Variants in ZNF438 observed in about 807,000 individuals in gnomAD.
ZNF438 encodes the protein zinc finger protein 438.
ZNF438 carries 25 observed loss-of-function variants against 38.0 expected under a neutral mutation model. That is an observed-to-expected ratio of 0.66 (90% CI 0.48 to 0.92). The LOEUF (loss-of-function observed/expected upper bound fraction) is 0.92, where lower values mean the gene tolerates loss of function less well. ZNF438 is among the 40% of genes least tolerant of loss of function. ZNF438 has a pLI of 0.00. For missense variants in ZNF438, 1,007 were observed against 999.6 expected (o/e 1.01, Z -0.10); for synonymous variants, 372 against 364.1 (o/e 1.02, Z -0.25).
chr10:30,982,573 A>T (rs897041938), intron 1 of ZNF438, among the ~76,000 whole-genome samples: 2 of 152,212 alleles, frequency 1.3e-5, no homozygotes, highest in African/African-American at 4.8e-5. Flanking sequence ...ATTATTCTGC[A>T]AGAGTTATTC....
chr10:31,028,794 TGGATTAGGG>T (rs2057101420), intron 1 of ZNF438, among the ~76,000 whole-genome samples: 3 of 152,292 alleles, frequency 2.0e-5, no homozygotes, highest in African/African-American at 7.2e-5. Context: ...CAGCAGGCAC[TGGATTAGGG>T]ACTAGAGATA....
intron 2 of ZNF438, among the ~76,000 whole-genome samples, chr10:30,927,064 T>A (rs1387097333): frequency 2.0e-5 from 3 of 152,234 alleles, no homozygotes. Flanking sequence ...TTGTCTAAAC[T>A]GGGGTAGTTT....
chr10:30,999,280 G>A (rs1336161219), intron 1 of ZNF438: 1 of 152,084 alleles, frequency 6.6e-6, no homozygotes, highest in Non-Finnish European at 1.5e-5. Flanking sequence ...TTTTCCTTGG[G>A]AAAATACATC....
Position 30,951,222 on chromosome 10 carries a change from T to C in ZNF438, c.-191-9571A>G, listed in dbSNP as rs570831748. ...AAACTTTCATACTAAAAACTCTCAA[T>C]AAATTAGGTATTGATGGAACGTATT... On this transcript the variant is annotated intron_variant, in intron 1 of 5. Coordinates refer to ENST00000413025, the Ensembl canonical transcript of ZNF438. 6.9e-4 allele frequency among the ~76,000 whole-genome samples: 104 copies of C among 151,536 alleles called. 2 individuals are homozygous for C. In the South Asian group the frequency reaches 0.021, roughly 31 times the overall value.
At chr10:30,886,017 TG>T (rs2039905513) in intron 3 of ZNF438, among the ~76,000 whole-genome samples, 2 of 152,180 alleles carry the variant, frequency 1.3e-5, no homozygotes. Context: ...AAATTTCAAC[TG>T]GATATAAGAA....
intron 3 of ZNF438, among the ~76,000 whole-genome samples, chr10:30,895,524 T>A (rs547171329): frequency 1.3e-5 from 2 of 152,214 alleles, no homozygotes; most frequent in Admixed American, 6.5e-5. Flanking sequence ...TATACCAAAA[T>A]TTAAAACTTC....
intron 4 of ZNF438, among the ~76,000 whole-genome samples, chr10:30,855,191 G>T (rs570011747): frequency 7.9e-5 from 12 of 152,308 alleles, no homozygotes; most frequent in African/African-American, 2.4e-4. Flanking sequence ...GGCCACTGTG[G>T]CCTGGGAACA....
chr10:30,934,464 T>C (rs1238708231), intron 2 of ZNF438, among the ~76,000 whole-genome samples: 2 of 152,208 alleles, frequency 1.3e-5, no homozygotes, highest in Non-Finnish European at 2.9e-5. Context: ...ATTTATTGAG[T>C]TCCCCAAACT....
chr10:30,889,567 G>C (rs192497422), intron 3 of ZNF438, among the ~76,000 whole-genome samples: 240 of 152,212 alleles, frequency 1.6e-3, no homozygotes, highest in Non-Finnish European at 2.3e-3. Context: ...CACCACATGC[G>C]GCTCCTGTTT....
intron 4 of ZNF438, among the ~76,000 whole-genome samples, chr10:30,872,425 C>CAAAAAAAAAAAAAAAAAAAAA (rs566401687): frequency 6.8e-5 from 4 of 58,676 alleles, no homozygotes; most frequent in Admixed American, 2.3e-4. Context: ...GACTCTGTCT[C>CAAAAAAAAAAAAAAAAAAAAA]AAAAAAAAAA....
At chr10:31,001,432 C>T (rs558573614) in intron 1 of ZNF438, among the ~76,000 whole-genome samples, 3 of 152,120 alleles carry the variant, frequency 2.0e-5, no homozygotes, top group African/African-American at 4.8e-5. Context: ...CTGGGGAGGC[C>T]CACCCTATTT....
At chr10:31,030,189 T>TC (rs1376640139) in intron 1 of ZNF438, among the ~76,000 whole-genome samples, 2 of 152,220 alleles carry the variant, frequency 1.3e-5, no homozygotes, top group South Asian at 2.1e-4. Context: ...CCCTCACACT[T>TC]CAAGTGTCCC....
chr10:31,019,609 A>T (rs955731966), intron 1 of ZNF438, among the ~76,000 whole-genome samples: 1 of 152,242 alleles, frequency 6.6e-6, no homozygotes, highest in African/African-American at 2.4e-5. Flanking sequence ...CAACCAAAAG[A>T]TAGAAAGTGC....
At chr10:30,997,205 A>C (rs1273742184) in intron 1 of ZNF438, among the ~76,000 whole-genome samples, 1 of 151,994 alleles carries the variant, frequency 6.6e-6, no homozygotes, top group Non-Finnish European at 1.5e-5. Flanking sequence ...ATAATGTACA[A>C]ACAAATGAAA....
intron 1 of ZNF438, among the ~76,000 whole-genome samples, chr10:30,953,250 T>C (rs1207757800): frequency 6.7e-6 from 1 of 150,082 alleles, no homozygotes; most frequent in Non-Finnish European, 1.5e-5. Context: ...TGGGGACTGT[T>C]GTGTGGTGGG....
At chr10:30,872,676 G>T (rs1179551347) in intron 4 of ZNF438, among the ~76,000 whole-genome samples, 1 of 149,342 alleles carries the variant, frequency 6.7e-6, no homozygotes, top group East Asian at 2.0e-4. Flanking sequence ...CATGAACCTG[G>T]GAGGCGGAGC....
exon 6 of ZNF438, chr10:30,845,406 C>T: frequency 3.7e-6 from 6 of 1,614,044 alleles, no homozygotes; most frequent in Non-Finnish European, 5.1e-6. Context: ...TGGGAAGGTC[C>T]CTTCTTGTAG....
At chr10:30,982,124 T>C (rs2052258349) in intron 1 of ZNF438, among the ~76,000 whole-genome samples, 1 of 148,092 alleles carries the variant, frequency 6.8e-6, no homozygotes, top group Admixed American at 6.8e-5. Flanking sequence ...ATTTTTGAGA[T>C]GGAGTCTCGC....
intron 3 of ZNF438, among the ~76,000 whole-genome samples, chr10:30,905,577 T>C (rs1172207857): frequency 6.6e-6 from 1 of 152,226 alleles, no homozygotes; most frequent in Admixed American, 6.5e-5. Context: ...CTTGATGGTA[T>C]CCTTTGAAGT....
Sources: gnomAD v4.1 joint callset for allele counts (sites outside exome capture counted in the v4.1 genomes callset) on GRCh38, gnomAD v4.1.1 for gene constraint, MANE v1.5 for transcripts, NCBI Gene and HGNC (gene_info 2026-07-23, HGNC 2026-07-21) for gene names.